The following RALA variants were observed in gnomAD, a reference collection of about 807,000 sequenced individuals.
RALA encodes ras-related protein Ral-A.
In RALA, 5 loss-of-function variants were observed where a neutral mutation model predicts 24.0. The ratio of observed to expected loss-of-function variants is 0.21; its 90% CI spans 0.11 to 0.44. RALA has a LOEUF of 0.44. Among genes scored for constraint, RALA ranks in the 20% least tolerant of loss-of-function variants. The pLI, the probability that RALA is intolerant of heterozygous loss-of-function variation, is 0.99. For synonymous variants in RALA, 77 were observed against 83.8 expected, an observed-to-expected ratio of 0.92 and a Z score of 0.44; for missense variants, 95 against 241.2, an observed-to-expected ratio of 0.39 and a Z score of 4.01.
rs1423397224 is a variant in RALA at position 39,639,585 on chromosome 7, A to T, written c.-38+15760A>T. ...GTTCCTTTAAAAAGTAGAGGGAGAG[A>T]AATAATAACAAATATGGCAGGCTTT... On this transcript the variant is annotated intron_variant, in intron 1 of 4. Transcript: ENST00000005257. Among the ~76,000 whole-genome samples, 9 of 152,308 alleles carry T rather than the reference A, an allele frequency of 5.9e-5. No homozygotes were observed. In the East Asian group the frequency reaches 1.2e-3, roughly 20 times the overall value.
Position 39,626,904 on chromosome 7 carries a change from T to A in RALA, c.-38+3079T>A, listed in dbSNP as rs933438393. ...TCTGTTTTTAACCGTTTGAGACCAT[T>A]AATCATTTTCTCTGGGTTTAAGATG... is the stretch of plus-strand genomic sequence containing the variant. On this transcript the variant is annotated intron_variant, in intron 1 of 4. Coordinates refer to ENST00000005257, the MANE Select transcript of RALA (RefSeq NM_005402.4). Among the ~76,000 whole-genome samples the A allele has an allele frequency of 4.6e-5, 7 of 152,308 alleles. 1 individual carries two copies. Among genetic ancestry groups the A allele is most frequent in the Admixed American group, 4.6e-4 (7 of 15,308 alleles).
chr7:39,686,363 A>G (rs1285968819), intron 1 of RALA, among the ~76,000 whole-genome samples: 4 of 152,190 alleles, frequency 2.6e-5, no homozygotes, highest in South Asian at 2.1e-4. Flanking sequence ...TGTACTGGGA[A>G]ATTTTCACTT....
intron 1 of RALA, among the ~76,000 whole-genome samples, chr7:39,685,772 C>A (rs545549135): frequency 6.6e-6 from 1 of 152,174 alleles, no homozygotes; most frequent in East Asian, 1.9e-4. Flanking sequence ...GTTTATAATT[C>A]TACCACCAAG....
intron 1 of RALA, among the ~76,000 whole-genome samples, chr7:39,665,880 T>C (rs1304979815): frequency 6.6e-6 from 1 of 152,012 alleles, no homozygotes; most frequent in African/African-American, 2.4e-5. Context: ...TTCACATCAA[T>C]AGTGTGTCCT....
intron 4 of RALA, among the ~76,000 whole-genome samples, chr7:39,699,736 A>G (rs1792989920): frequency 6.6e-6 from 1 of 152,246 alleles, no homozygotes; most frequent in Admixed American, 6.5e-5. Flanking sequence ...CTATGTACAC[A>G]TCATAAGGAT....
chr7:39,663,063 T>C (rs1470328267), intron 1 of RALA, among the ~76,000 whole-genome samples: 1 of 152,070 alleles, frequency 6.6e-6, no homozygotes, highest in African/African-American at 2.4e-5. Flanking sequence ...ATAAGAATAG[T>C]GTGGGGGAAA....
chr7:39,628,545 C>G (rs192900740), intron 1 of RALA, among the ~76,000 whole-genome samples: 6 of 152,212 alleles, frequency 3.9e-5, no homozygotes, highest in African/African-American at 1.2e-4. Flanking sequence ...AAACACCTAA[C>G]AGTTTAATTT....
chr7:39,644,143 T>A (rs1486045152), intron 1 of RALA, among the ~76,000 whole-genome samples: 1 of 152,118 alleles, frequency 6.6e-6, no homozygotes, highest in African/African-American at 2.4e-5. Context: ...TGAGTACTAC[T>A]TCTGGTGGCT....
At chr7:39,646,467 T>C (rs1791924543) in intron 1 of RALA, among the ~76,000 whole-genome samples, 1 of 152,042 alleles carries the variant, frequency 6.6e-6, no homozygotes, top group Admixed American at 6.6e-5. Flanking sequence ...ACAAAAAATT[T>C]TTTTAAATGA....
At chr7:39,673,304 C>T (rs1385226818) in intron 1 of RALA, among the ~76,000 whole-genome samples, 1 of 152,024 alleles carries the variant, frequency 6.6e-6, no homozygotes, top group East Asian at 1.9e-4. Flanking sequence ...TTTTTTTAAT[C>T]ATGAAGATAT....
At chr7:39,674,053 ATAAATAAAT>A (rs1792435777) in intron 1 of RALA, among the ~76,000 whole-genome samples, 4 of 109,960 alleles carry the variant, frequency 3.6e-5, no homozygotes, top group African/African-American at 9.1e-5. Flanking sequence ...AAATAAATAA[ATAAATAAAT>A]AAATAAATAA....
intron 1 of RALA, among the ~76,000 whole-genome samples, chr7:39,647,198 A>G (rs933858709): frequency 6.6e-6 from 1 of 152,158 alleles, no homozygotes; most frequent in African/African-American, 2.4e-5. Context: ...ATGTGCCAGC[A>G]TGCCCAGCTG....
chr7:39,697,975 A>G lies in RALA; in HGVS notation c.498+1116A>G, dbSNP rs11772672. On this transcript the variant is annotated intron_variant, in intron 4 of 4. Coordinates refer to ENST00000005257, the MANE Select transcript of RALA (RefSeq NM_005402.4). ...TGTGTGTGTGTGTGTGTGTGTGTGT[A>G]TGTGTGTGTATGTGTGTTTTGCTTA... Among the ~76,000 whole-genome samples, 153 of 60,440 alleles carry G rather than the reference A, an allele frequency of 2.5e-3. No homozygotes were observed. The South Asian group carries it at 0.026, about 10-fold the overall frequency. The allele number at this position is 60,440 out of a possible 152,430, so 39.7% of individuals were successfully genotyped here.
chr7:39,646,786 TCAGTA>T (rs1459714126), intron 1 of RALA, among the ~76,000 whole-genome samples: 11 of 152,192 alleles, frequency 7.2e-5, no homozygotes, highest in African/African-American at 2.7e-4. Context: ...CTGCATGCTC[TCAGTA>T]CAGAACTCTA....
chr7:39,683,285 C>T (rs1792638410), intron 1 of RALA, among the ~76,000 whole-genome samples: 1 of 152,106 alleles, frequency 6.6e-6, no homozygotes, highest in African/African-American at 2.4e-5. Flanking sequence ...ACATGCTCCC[C>T]ACTCCCACCC....
chr7:39,629,746 C>T (rs1791558520), intron 1 of RALA, among the ~76,000 whole-genome samples: 1 of 152,218 alleles, frequency 6.6e-6, no homozygotes, highest in Non-Finnish European at 1.5e-5. Context: ...CAGGCGCGTG[C>T]CACCACGCCT....
chr7:39,691,535 G>T (rs1792817456), intron 3 of RALA, among the ~76,000 whole-genome samples: 1 of 152,192 alleles, frequency 6.6e-6, no homozygotes. Flanking sequence ...TCATGAAATA[G>T]ATGAGCTTGA....
chr7:39,697,266 T>A (rs1195330633), intron 4 of RALA: 5 of 408,090 alleles, frequency 1.2e-5, no homozygotes, highest in Middle Eastern at 3.6e-4. Flanking sequence ...CCTCCCAAGA[T>A]GAAGAAGCCC....
Position 39,628,313 on chromosome 7 carries a change from A to C in RALA, c.-38+4488A>C, listed in dbSNP as rs151178913. 2.4e-3 allele frequency among the ~76,000 whole-genome samples: 371 copies of C among 152,028 alleles called. 5 individuals carry two copies. Among genetic ancestry groups the C allele is most frequent in the Admixed American group, 0.021 (328 of 15,260 alleles). On this transcript the variant is annotated intron_variant, in intron 1 of 4. Coordinates refer to ENST00000005257, the MANE Select transcript of RALA (RefSeq NM_005402.4). ...CTGTTACAGCTCTTAACTACACTGG[A>C]GAGAGTACTTTCATTAGCCTATTGT...
Sources: gnomAD v4.1 joint callset for allele counts (sites outside exome capture counted in the v4.1 genomes callset) on GRCh38, gnomAD v4.1.1 for gene constraint, MANE v1.5 for transcripts, NCBI Gene and HGNC (gene_info 2026-07-23, HGNC 2026-07-21) for gene names.